Variants in RAI14 observed in about 807,000 individuals in gnomAD.
RAI14 encodes the protein ankycorbin.
Under a neutral mutation model 115.4 loss-of-function variants are expected in RAI14, and 45 were observed. The observed-to-expected ratio is 0.39, with a 90% CI of 0.31 to 0.50. RAI14 has a LOEUF of 0.50. RAI14 is among the 20% of genes least tolerant of loss of function. The pLI is 0.85. For synonymous variants in RAI14, 371 were observed against 415.4 expected, an observed-to-expected ratio of 0.89 and a Z score of 1.30; for missense variants, 939 against 1,131.2, an observed-to-expected ratio of 0.83 and a Z score of 2.44.
chr5:34,801,735 C>CT (rs1200336635), intron 4 of RAI14, among the ~76,000 whole-genome samples: 1 of 118,638 alleles, frequency 8.4e-6, no homozygotes, highest in Non-Finnish European at 1.9e-5. Context: ...ATAAGACTTT[C>CT]TAAAAAAAAA....
intron 2 of RAI14, among the ~76,000 whole-genome samples, chr5:34,693,327 C>T (rs1738863024): frequency 6.6e-6 from 1 of 152,190 alleles, no homozygotes; most frequent in Non-Finnish European, 1.5e-5. Context: ...CTGTCATAGA[C>T]CTTAGCTCCA....
chr5:34,775,025 C>G (rs1750662210), intron 3 of RAI14, among the ~76,000 whole-genome samples: 1 of 152,160 alleles, frequency 6.6e-6, no homozygotes, highest in African/African-American at 2.4e-5. Flanking sequence ...GAAAAGGACA[C>G]ACTCTTCAGT....
intron 2 of RAI14, among the ~76,000 whole-genome samples, chr5:34,745,386 G>A (rs1408961686): frequency 6.6e-6 from 1 of 152,002 alleles, no homozygotes; most frequent in Non-Finnish European, 1.5e-5. Context: ...ACCATATTTT[G>A]GGGACATCTA....
chr5:34,703,862 T>C (rs1027661175), intron 2 of RAI14, among the ~76,000 whole-genome samples: 11 of 152,212 alleles, frequency 7.2e-5, no homozygotes, highest in Admixed American at 7.2e-4. Context: ...GCCTCGTAAA[T>C]TGCCCTAAAG....
chr5:34,791,481 C>T lies in RAI14; in HGVS notation c.168-4458C>T, dbSNP rs1270992178. Among the ~76,000 whole-genome samples the T allele has an allele frequency of 2.6e-5, 4 of 151,916 alleles. No homozygotes were observed. Among genetic ancestry groups the T allele is most frequent in the Non-Finnish European group, 4.4e-5 (3 of 68,002 alleles). On this transcript the variant is annotated intron_variant, in intron 3 of 17. Transcript: ENST00000265109. The surrounding 1 kb of genome is among the most constrained non-coding windows in gnomAD (Gnocchi z 5.4). Reference sequence around the variant, plus strand: ...CCCGTATATTAAATAAGCAAACAAACTATATGTGGCAATTAAAACTTAAAA... The same window carrying T: ...CCCGTATATTAAATAAGCAAACAAATTATATGTGGCAATTAAAACTTAAAA...
rs193227329 is a variant in RAI14, at chr5:34,805,687, A to T, written c.321+1911A>T. Among the ~76,000 whole-genome samples, 761 of 152,160 alleles carry T rather than the reference A, an allele frequency of 5.0e-3. 4 individuals carry two copies. The highest frequency in any genetic ancestry group is 0.018 in the African/African-American group (740 of 41,504). Reference sequence around the variant, plus strand: ...AAACCCCATCTCTTCTAAAAAATACAAAAATTAGCCGGGCGTGGTGGTGCA... The same window carrying T: ...AAACCCCATCTCTTCTAAAAAATACTAAAATTAGCCGGGCGTGGTGGTGCA... On this transcript the variant is annotated intron_variant, in intron 5 of 17. Coordinates refer to ENST00000265109, the MANE Select transcript of RAI14 (RefSeq NM_015577.3).
chr5:34,725,496 C>T (rs547866700), intron 2 of RAI14, among the ~76,000 whole-genome samples: 3 of 152,054 alleles, frequency 2.0e-5, no homozygotes, highest in African/African-American at 7.2e-5. Context: ...TCTCCCACCC[C>T]CTTCCCTCTT....
intron 16 of RAI14, among the ~76,000 whole-genome samples, chr5:34,828,729 C>G (rs1757705375): frequency 1.3e-5 from 2 of 152,124 alleles, no homozygotes; most frequent in African/African-American, 4.8e-5. Flanking sequence ...GAAACAGCCA[C>G]TGAGAGGAAC....
chr5:34,660,813 C>T (rs565029218), intron 1 of RAI14, among the ~76,000 whole-genome samples: 1 of 150,720 alleles, frequency 6.6e-6, no homozygotes, highest in African/African-American at 2.4e-5. Context: ...ATGTCAGACA[C>T]ATGTTACACA....
intron 2 of RAI14, among the ~76,000 whole-genome samples, chr5:34,692,727 C>T (rs989055100): frequency 9.2e-5 from 14 of 152,054 alleles, no homozygotes; most frequent in South Asian, 2.1e-4. Context: ...TGCCGTGCTA[C>T]GTGTTTTCTA....
rs1040123865 is a variant in RAI14 at position 34,656,369 on chromosome 5, G to C, written c.-155G>C. 6.6e-6 allele frequency: 1 copy of C among 152,072 alleles called. No individual in the cohort carries two copies. The allele number at this position is 152,072 out of a possible 1,614,324, so 9.4% of individuals were successfully genotyped here. ...GGGGAGGAGGAGGGACTGCGGCGCA[G>C]GAAGCCGAGCAGGAAGCGAGCCCGG... On this transcript the variant is annotated 5_prime_UTR_variant, in exon 1 of 18. Coordinates refer to ENST00000265109, the MANE Select transcript of RAI14 (RefSeq NM_015577.3).
In RAI14 at chr5:34,677,465, A is replaced by T. The variant is rs1196674837; in HGVS notation, c.-48-9407A>T. Among the ~76,000 whole-genome samples the T allele has an allele frequency of 1.2e-4, 18 of 148,682 alleles. No individual in the cohort carries two copies. In the East Asian group the frequency reaches 2.0e-3, roughly 16 times the overall value. ...CACACCTGGCCGTTTCTTTTTTTTT[A>T]AAATGGGGTCTCACTCTGTCTCCCA... On this transcript the variant is annotated intron_variant, in intron 1 of 17. Transcript: ENST00000265109.
intron 1 of RAI14, among the ~76,000 whole-genome samples, chr5:34,666,090 G>A (rs896183286): frequency 6.6e-6 from 1 of 152,186 alleles, no homozygotes; most frequent in Non-Finnish European, 1.5e-5. Context: ...CCAAGGAGTT[G>A]GGTCTGTTCT....
At chr5:34,719,420 A>G (rs1222281345) in intron 2 of RAI14, among the ~76,000 whole-genome samples, 1 of 152,226 alleles carries the variant, frequency 6.6e-6, no homozygotes, top group East Asian at 1.9e-4. Context: ...CATCCCGCTC[A>G]TATTCAAAGG....
At chr5:34,728,826 T>TG (rs1296207252) in intron 2 of RAI14, among the ~76,000 whole-genome samples, 1 of 151,478 alleles carries the variant, frequency 6.6e-6, no homozygotes, top group African/African-American at 2.4e-5. Flanking sequence ...AGGCTGAGGC[T>TG]GGGGAGGAGC....
intron 2 of RAI14, among the ~76,000 whole-genome samples, chr5:34,755,192 T>A (rs900050142): frequency 1.3e-5 from 2 of 152,012 alleles, no homozygotes; most frequent in Non-Finnish European, 2.9e-5. Context: ...GTTGTTAAGT[T>A]ACGCTTTCTA....
At position 34,823,736 on chromosome 5, in the gene RAI14, G is replaced by A. The variant is rs746123254; in HGVS notation, c.1894G>A (p.Glu632Lys). 4 of 1,614,178 alleles carry A rather than the reference G, an allele frequency of 2.5e-6. No individual in the cohort carries two copies. The Admixed American group carries it at 6.7e-5, about 27-fold the overall frequency. ...EASDEAEDMK[E>K]AMNRMIDELN... is the part of the protein sequence containing the mutation. The stretch of plus-strand genomic sequence containing the variant: ...CAGTGATGAAGCTGAGGACATGAAA[G>A]AAGCCATGAATAGGATGATAGATGA... The change falls in exon 15 of 18, where the codon GAA (glutamate) becomes AAA (lysine). Residue 632 changes from glutamate (E) to lysine (K), a missense_variant. Coordinates refer to ENST00000265109, the MANE Select transcript of RAI14 (RefSeq NM_015577.3). The surrounding 1 kb of genome is among the most constrained non-coding windows in gnomAD (Gnocchi z 4.5).
chr5:34,747,846 T>C (rs574530674), intron 2 of RAI14, among the ~76,000 whole-genome samples: 1 of 152,178 alleles, frequency 6.6e-6, no homozygotes, highest in South Asian at 2.1e-4. Context: ...GGCATGGGGC[T>C]TAGTGGTGAA....
intron 5 of RAI14, among the ~76,000 whole-genome samples, chr5:34,807,383 C>T (rs967063093): frequency 1.3e-5 from 2 of 151,968 alleles, no homozygotes; most frequent in African/African-American, 4.8e-5. Flanking sequence ...GAGGGGACAC[C>T]CAACTGCAGT....
Sources: gnomAD v4.1 joint callset for allele counts (sites outside exome capture counted in the v4.1 genomes callset) on GRCh38, gnomAD v4.1.1 for gene constraint, Gnocchi (gnomAD v3.1) non-coding constraint, MANE v1.5 for transcripts, NCBI Gene and HGNC (gene_info 2026-07-23, HGNC 2026-07-21) for gene names.